Variants in OTOF observed in about 807,000 individuals in gnomAD.
OTOF encodes fer-1-like family member 2.
A neutral mutation model predicts 236.8 loss-of-function variants in OTOF; 218 were observed. That is an observed-to-expected ratio of 0.92 (90% CI 0.82 to 1.03). OTOF has a LOEUF of 1.03. Among genes scored for constraint, OTOF ranks in the 50% least tolerant of loss-of-function variants. OTOF has a pLI of 0.00. For synonymous variants in OTOF, 1,041 were observed against 1,072.5 expected (o/e 0.97, Z 0.57); for missense variants, 2,590 against 2,694.4 (o/e 0.96, Z 0.86).
intron 1 of OTOF, among the ~76,000 whole-genome samples, chr2:26,540,276 T>A (rs932765490): frequency 6.6e-6 from 1 of 152,196 alleles, no homozygotes; most frequent in Non-Finnish European, 1.5e-5. Flanking sequence ...AACCATTTCA[T>A]TGAAGGGCTG....
intron 5 of OTOF, among the ~76,000 whole-genome samples, chr2:26,512,490 C>T (rs1293240055): frequency 6.6e-6 from 1 of 152,204 alleles, no homozygotes; most frequent in Admixed American, 6.5e-5. Flanking sequence ...GGCAGGCATA[C>T]GCTGCCATGC....
chr2:26,541,304 T>C (rs944416196), intron 1 of OTOF, among the ~76,000 whole-genome samples: 6 of 152,288 alleles, frequency 3.9e-5, no homozygotes, highest in African/African-American at 1.4e-4. Context: ...AAATCAGCCA[T>C]TGCAGAATTT....
chr2:26,508,227 CCTT>C (rs1553358710), intron 5 of OTOF, among the ~76,000 whole-genome samples: 1 of 152,180 alleles, frequency 6.6e-6, no homozygotes, highest in African/African-American at 2.4e-5. Flanking sequence ...GGTCTGTGGT[CCTT>C]CTTTGCATTG....
intron 1 of OTOF, among the ~76,000 whole-genome samples, chr2:26,541,878 G>C (rs1667219588): frequency 6.6e-6 from 1 of 152,188 alleles, no homozygotes; most frequent in Non-Finnish European, 1.5e-5. Context: ...GGTTCGATGG[G>C]GGAAATAGAA....
Position 26,494,963 on chromosome 2 carries a change from A to G in OTOF, c.876T>C (p.Thr292=), listed in dbSNP as rs1270129452. ...TGACCTCGTTGTAATAGGGGCAGTT[A>G]GTGGACTCCTTCATGGATGTGTACT... ...DKKYTSMKES[T]NCPYYNEYFV... is the part of the protein sequence containing the mutation. The change falls in exon 9 of 47, where the codon ACT becomes ACC. Residue 292 remains threonine (T), a synonymous_variant. Coordinates refer to ENST00000272371, the MANE Select transcript of OTOF (RefSeq NM_194248.3). 6.2e-7 allele frequency: 1 copy of G among 1,614,112 alleles called. No individual in the cohort carries two copies. The highest frequency in any genetic ancestry group is 1.1e-5 in the South Asian group (1 of 91,070).
intron 18 of OTOF, among the ~76,000 whole-genome samples, chr2:26,478,857 C>G (rs1665435225): frequency 6.6e-6 from 1 of 152,174 alleles, no homozygotes; most frequent in Non-Finnish European, 1.5e-5. Context: ...CGCCACCAAG[C>G]CCCGCTAATT....
chr2:26,550,499 G>GGT, intron 1 of OTOF, among the ~76,000 whole-genome samples: 1 of 148,052 alleles, frequency 6.8e-6, no homozygotes, highest in African/African-American at 2.7e-5. Context: ...TGGCCCTCAA[G>GGT]GCGCCCACCT....
chr2:26,478,775 T>C (rs1440850127), intron 18 of OTOF, among the ~76,000 whole-genome samples: 2 of 152,210 alleles, frequency 1.3e-5, no homozygotes, highest in African/African-American at 2.4e-5. Context: ...CTTGGCTCAC[T>C]GCAAACTCCG....
chr2:26,510,768 T>C (rs1264508237), intron 5 of OTOF: 23 of 1,287,504 alleles, frequency 1.8e-5, no homozygotes, highest in Non-Finnish European at 2.2e-5. Context: ...GGGGAAGAAA[T>C]GAGGAGACAA....
At chr2:26,553,734 A>G (rs12053197) in intron 1 of OTOF, among the ~76,000 whole-genome samples, 141,151 of 152,178 alleles carry the variant, frequency 0.93, 66,159 homozygotes, top group Non-Finnish European at 1. Flanking sequence ...CTCCCTTCTG[A>G]GCTCCGGGGG....
intron 4 of OTOF, among the ~76,000 whole-genome samples, chr2:26,517,267 C>G (rs201087469): frequency 6.6e-6 from 1 of 152,134 alleles, no homozygotes; most frequent in Non-Finnish European, 1.5e-5. Flanking sequence ...AGTTTCCCCC[C>G]CAGTGCACAG....
In OTOF at chr2:26,477,354, T is replaced by C; in HGVS notation, c.2406+62A>G. 1 of 1,579,850 alleles carries C rather than the reference T, an allele frequency of 6.3e-7. No homozygotes were observed. The highest frequency in any genetic ancestry group is 1.1e-5 in the South Asian group (1 of 87,526). On this transcript the variant is annotated intron_variant, in intron 20 of 46. Transcript: ENST00000272371. This position sits in a 1 kb window ranked among gnomAD's most constrained non-coding sequence, Gnocchi z 4.7. ...ACAGCTCGGGCCATGACAAAGGGGG[T>C]TGTGACACCTTCTCACAACCAGGCC...
rs1159872062 is a variant in OTOF at position 26,460,053 on chromosome 2, T to C, written c.5966A>G (p.Tyr1989Cys). Residue 1989 changes from tyrosine to cysteine, a missense_variant, in exon 46 of 47, where the codon TAC becomes TGC. Physicochemically the swap from Tyr to Cys is radical, Grantham distance 194. Coordinates refer to ENST00000272371, the MANE Select transcript of OTOF (RefSeq NM_194248.3). This position sits in a 1 kb window ranked among gnomAD's most constrained non-coding sequence, Gnocchi z 5.3. ...LALFLYSVPG[Y>C]LVKKILGA ...GGCCCCGAGGATTTTCTTGACCAGG[T>C]AGCCAGGCACAGAGTAGAGGAACAG... The C allele has an allele frequency of 6.4e-7, 1 of 1,572,344 alleles. No homozygotes were observed. Among genetic ancestry groups the C allele is most frequent in the Non-Finnish European group, 8.6e-7 (1 of 1,158,866 alleles).
At chr2:26,506,624 C>T (rs1054505001) in intron 5 of OTOF, among the ~76,000 whole-genome samples, 7 of 152,226 alleles carry the variant, frequency 4.6e-5, no homozygotes, top group Non-Finnish European at 1.0e-4. Context: ...ATCCCTGGGG[C>T]ACTTATGGCC....
intron 2 of OTOF, among the ~76,000 whole-genome samples, chr2:26,534,566 T>C (rs372998980): frequency 1.5e-4 from 23 of 152,322 alleles, no homozygotes; most frequent in African/African-American, 5.3e-4. Context: ...CTCTCACCCA[T>C]GCCTGAGCAG....
At chr2:26,507,118 C>T (rs868588165) in intron 5 of OTOF, among the ~76,000 whole-genome samples, 9 of 152,356 alleles carry the variant, frequency 5.9e-5, no homozygotes, top group Non-Finnish European at 1.3e-4. Flanking sequence ...GTACTGGTAG[C>T]ACTCCTGTGT....
chr2:26,507,990 TGGGAACATTCACCAAACTAAATTTA>T (rs926156647), intron 5 of OTOF, among the ~76,000 whole-genome samples: 6 of 152,312 alleles, frequency 3.9e-5, no homozygotes, highest in Admixed American at 2.6e-4. Flanking sequence ...CATAATGACT[TGGGAACATTCACCAAACTAAATTTA>T]GTGACCCGAG....
intron 26 of OTOF, 133 bp from the exon 27 acceptor site, chr2:26,474,243 G>A (rs543007849): frequency 1.4e-5 from 18 of 1,270,556 alleles, no homozygotes; most frequent in African/African-American, 1.3e-4. Flanking sequence ...TGGTCAGGAT[G>A]GGTAGGAGAG....
chr2:26,461,592 A>AC lies in OTOF; in HGVS notation c.5533+103dup. On this transcript the variant is annotated intron_variant, in intron 43 of 46. Transcript: ENST00000272371. The surrounding 1 kb of genome is among the most constrained non-coding windows in gnomAD (Gnocchi z 6.2). ...TGGCTCTGATGGACTGGAAGCAATG[A>AC]CCCCTTGTCCCCCCAAGGCAGGGCT... 1 of 1,495,312 alleles carries AC rather than the reference A, an allele frequency of 6.7e-7. No individual in the cohort carries two copies. The highest frequency in any genetic ancestry group is 9.2e-7 in the Non-Finnish European group (1 of 1,091,070). 92.6% of individuals were successfully genotyped at this position (1,495,312 alleles called of 1,614,324 possible).
Sources: gnomAD v4.1 joint callset for allele counts (sites outside exome capture counted in the v4.1 genomes callset) on GRCh38, gnomAD v4.1.1 for gene constraint, Gnocchi (gnomAD v3.1) non-coding constraint, MANE v1.5 for transcripts, NCBI Gene and HGNC (gene_info 2026-07-23, HGNC 2026-07-21) for gene names.